Variants in NTNG2 observed in about 807,000 individuals in gnomAD.
NTNG2 encodes the protein netrin G2.
Under a neutral mutation model 47.6 loss-of-function variants are expected in NTNG2, and 15 were observed. That is an observed-to-expected ratio of 0.32 (90% CI 0.21 to 0.49). The LOEUF (loss-of-function observed/expected upper bound fraction) is 0.49. NTNG2 is among the 20% of genes least tolerant of loss of function. The pLI is 0.99. For missense variants in NTNG2, 578 were observed against 764.6 expected (o/e 0.76, Z 2.88); for synonymous variants, 307 against 324.6 (o/e 0.95, Z 0.58).
chr9:132,193,133 A>G (rs2130675983), intron 2 of NTNG2, among the ~76,000 whole-genome samples: 1 of 152,388 alleles, frequency 6.6e-6, no homozygotes, highest in African/African-American at 2.4e-5. Context: ...TAAGTAAGGC[A>G]GGAAGATGAA....
chr9:132,169,310 C>T (rs966852884), intron 2 of NTNG2, among the ~76,000 whole-genome samples: 4 of 152,226 alleles, frequency 2.6e-5, no homozygotes, highest in South Asian at 2.1e-4. Context: ...GGGAGGCCGC[C>T]GTGGCAGGTG....
In NTNG2 at chr9:132,182,023, C is replaced by T. The variant is rs980991059; in HGVS notation, c.213+14979C>T. Among the ~76,000 whole-genome samples, 1 of 152,244 alleles carries T rather than the reference C, an allele frequency of 6.6e-6. No homozygotes were observed. Among genetic ancestry groups the T allele is most frequent in the Non-Finnish European group, 1.5e-5 (1 of 68,050 alleles). ...GTGAGCATACTGTCCCTGTCAGCCT[C>T]TCCTCCCCCAGCACACCCCGGCAGC... On this transcript the variant is annotated intron_variant, in intron 2 of 7. Transcript: ENST00000393229. This position sits in a 1 kb window ranked among gnomAD's most constrained non-coding sequence, Gnocchi z 4.2.
chr9:132,242,095 C>T lies in NTNG2; in HGVS notation c.1577C>T (p.Ala526Val). 8.6e-7 allele frequency: 1 copy of T among 1,161,434 alleles called. No homozygotes were observed. The highest frequency in any genetic ancestry group is 1.1e-6 in the Non-Finnish European group (1 of 945,520). 71.9% of individuals were successfully genotyped at this position (1,161,434 alleles called of 1,614,324 possible). ...LGCLLLLGLA[A>V]RLGR is the part of the protein sequence containing the mutation. The stretch of plus-strand genomic sequence containing the variant: ...TGCCTGCTGCTGCTGGGGCTGGCCG[C>T]CCGCCTGGGCCGCTGAGCCCCGCCC... The change falls in exon 8 of 8, where the codon GCC becomes GTC. Residue 526 changes from alanine (A) to valine (V), a missense_variant. Ala to Val is a moderately conservative substitution (Grantham distance 64, BLOSUM62 0). Coordinates refer to ENST00000393229, the MANE Select transcript of NTNG2 (RefSeq NM_032536.4). The surrounding 1 kb of genome is among the most constrained non-coding windows in gnomAD (Gnocchi z 5.9).
Position 132,240,928 on chromosome 9 carries a change from T to C in NTNG2, c.1241T>C (p.Ile414Thr). Residue 414 changes from isoleucine (I) to threonine (T), a missense_variant, in exon 7 of 8, where the codon ATA (isoleucine) becomes ACA (threonine). Ile to Thr is a moderately conservative substitution (Grantham distance 89, BLOSUM62 -1). Transcript: ENST00000393229. ...NVCIECNCNQ[I>T]GSVHDRCNET... Reference sequence around the variant, plus strand: ...CGTCCAGAGTGTAACTGCAACCAGATAGGCTCCGTGCACGACCGGTGCAAC... The same window carrying C: ...CGTCCAGAGTGTAACTGCAACCAGACAGGCTCCGTGCACGACCGGTGCAAC... The C allele has an allele frequency of 7.4e-6, 12 of 1,612,788 alleles. No individual in the cohort carries two copies. The highest frequency in any genetic ancestry group is 1.3e-5 in the African/African-American group (1 of 75,034).
In NTNG2 at chr9:132,162,620, G is replaced by C. The variant is rs941476547; in HGVS notation, c.-484+381G>C. On this transcript the variant is annotated intron_variant, in intron 1 of 7. Transcript: ENST00000393229. This position sits in a 1 kb window ranked among gnomAD's most constrained non-coding sequence, Gnocchi z 4.6. ...TGTGTGTGTGTGTGTGTGTGTGTCG[G>C]GGAGGGATGTTGCAAGGATGCTCGG... Among the ~76,000 whole-genome samples the C allele has an allele frequency of 6.8e-6, 1 of 148,134 alleles. No homozygotes were observed. Among genetic ancestry groups the C allele is most frequent in the South Asian group, 2.1e-4 (1 of 4,660 alleles).
intron 3 of NTNG2, among the ~76,000 whole-genome samples, chr9:132,207,710 C>T (rs1019828064): frequency 6.6e-6 from 1 of 152,138 alleles, no homozygotes; most frequent in Non-Finnish European, 1.5e-5. Context: ...AGCAGGGTGC[C>T]AGGGTCCAAG....
intron 6 of NTNG2, among the ~76,000 whole-genome samples, chr9:132,240,383 C>T (rs1841901750): frequency 1.3e-5 from 2 of 152,242 alleles, no homozygotes; most frequent in African/African-American, 4.8e-5. Context: ...CAGCACTGAG[C>T]TGCAAGGTTT....
intron 3 of NTNG2, among the ~76,000 whole-genome samples, chr9:132,203,245 CAGA>C (rs1838919059): frequency 6.6e-6 from 1 of 151,990 alleles, no homozygotes; most frequent in South Asian, 2.1e-4. Context: ...GAGGCTGAGG[CAGA>C]AGGATTATTT....
chr9:132,196,833 C>A (rs560400163), intron 2 of NTNG2, among the ~76,000 whole-genome samples: 1 of 152,206 alleles, frequency 6.6e-6, no homozygotes, highest in Non-Finnish European at 1.5e-5. Flanking sequence ...CCACCTCTGA[C>A]GCAATTGCAA....
At chr9:132,205,394 G>A (rs777945349) in intron 3 of NTNG2, among the ~76,000 whole-genome samples, 5 of 152,284 alleles carry the variant, frequency 3.3e-5, no homozygotes, top group East Asian at 1.9e-4. Flanking sequence ...CTTACCCGAC[G>A]TCCCCAGAGT....
At chr9:132,241,845 C>T (rs1589576707) in intron 7 of NTNG2, 31 bp from the exon 8 acceptor site, 1 of 1,492,604 alleles carries the variant, frequency 6.7e-7, no homozygotes, top group African/African-American at 1.4e-5. Flanking sequence ...ACCGGGCCAC[C>T]CCCCGTGCTG....
At chr9:132,220,140 C>T (rs1475856848) in intron 3 of NTNG2, among the ~76,000 whole-genome samples, 3 of 152,168 alleles carry the variant, frequency 2.0e-5, no homozygotes, top group African/African-American at 4.8e-5. Context: ...ATGCCTTCTT[C>T]GGAGAAATGT....
Position 132,215,648 on chromosome 9 carries a change from G to A in NTNG2, c.858-11201G>A, listed in dbSNP as rs965461955. ...ACTGAATCCTCCAAGAGGCCAGGGG[G>A]TGTGTCACCTCTTGGGGCGCCCCAG... On this transcript the variant is annotated intron_variant, in intron 3 of 7. Transcript: ENST00000393229. This position sits in a 1 kb window ranked among gnomAD's most constrained non-coding sequence, Gnocchi z 4.2. Among the ~76,000 whole-genome samples, 2 of 152,210 alleles carry A rather than the reference G, an allele frequency of 1.3e-5. No homozygotes were observed. The highest frequency in any genetic ancestry group is 2.9e-5 in the Non-Finnish European group (2 of 68,040).
intron 3 of NTNG2, among the ~76,000 whole-genome samples, chr9:132,211,010 TAG>T (rs1238143036): frequency 6.6e-6 from 1 of 152,108 alleles, no homozygotes; most frequent in African/African-American, 2.4e-5. Context: ...CACCCAGTCA[TAG>T]ACACATCACA....
At chr9:132,168,018 A>G (rs1341511354) in intron 2 of NTNG2, among the ~76,000 whole-genome samples, 1 of 152,218 alleles carries the variant, frequency 6.6e-6, no homozygotes, top group Non-Finnish European at 1.5e-5. Flanking sequence ...TAATTAACGT[A>G]GGTAAAGTGT....
At chr9:132,202,028 C>A (rs1314996659) in intron 3 of NTNG2, among the ~76,000 whole-genome samples, 1 of 152,218 alleles carries the variant, frequency 6.6e-6, no homozygotes, top group Admixed American at 6.5e-5. Flanking sequence ...TCAAGACAGA[C>A]TCAGCCACCG....
At position 132,215,648 on chromosome 9, in the gene NTNG2, G is replaced by T. The variant is rs965461955; in HGVS notation, c.858-11201G>T. On this transcript the variant is annotated intron_variant, in intron 3 of 7. Coordinates refer to ENST00000393229, the MANE Select transcript of NTNG2 (RefSeq NM_032536.4). This position sits in a 1 kb window ranked among gnomAD's most constrained non-coding sequence, Gnocchi z 4.2. ...ACTGAATCCTCCAAGAGGCCAGGGG[G>T]TGTGTCACCTCTTGGGGCGCCCCAG... 1.3e-5 allele frequency among the ~76,000 whole-genome samples: 2 copies of T among 152,210 alleles called. No individual in the cohort carries two copies. The highest frequency in any genetic ancestry group is 2.9e-5 in the Non-Finnish European group (2 of 68,040).
At chr9:132,239,643 G>C (rs1841858603) in intron 6 of NTNG2, among the ~76,000 whole-genome samples, 1 of 152,188 alleles carries the variant, frequency 6.6e-6, no homozygotes, top group South Asian at 2.1e-4. Context: ...TGGTGTGTGG[G>C]GGGGTCCCCC....
intron 3 of NTNG2, among the ~76,000 whole-genome samples, chr9:132,224,988 T>TGTC (rs1840634156): frequency 6.9e-6 from 1 of 145,872 alleles, no homozygotes; most frequent in Non-Finnish European, 1.5e-5. Context: ...AGTGGTGCAA[T>TGTC]GGCTCACTGC....
Sources: allele counts gnomAD v4.1 joint callset (sites outside exome capture counted in the v4.1 genomes callset), GRCh38; gene constraint gnomAD v4.1.1; non-coding constraint Gnocchi (gnomAD v3.1); transcripts MANE v1.5; gene names NCBI Gene and HGNC (gene_info 2026-07-23, HGNC 2026-07-21).